The following TMCC1 variants were observed in gnomAD, a reference collection of about 807,000 sequenced individuals.
The protein encoded by TMCC1 is transmembrane and coiled-coil domain family 1.
TMCC1 carries 15 observed loss-of-function variants against 52.4 expected under a neutral mutation model. The ratio of observed to expected loss-of-function variants is 0.29; its 90% CI spans 0.19 to 0.44. The LOEUF (loss-of-function observed/expected upper bound fraction) is 0.44, where lower values mean the gene tolerates loss of function less well. TMCC1 is among the 20% of genes least tolerant of loss of function. TMCC1 has a pLI of 1.00. For synonymous variants in TMCC1, 279 were observed against 301.9 expected (o/e 0.92, Z 0.79); for missense variants, 503 against 806.0 (o/e 0.62, Z 4.55).
chr3:129,840,619 C>T (rs999915358), intron 2 of TMCC1, among the ~76,000 whole-genome samples: 3 of 152,142 alleles, frequency 2.0e-5, no homozygotes, highest in Admixed American at 2.0e-4. Context: ...TGGGAGGCGA[C>T]TGGATCACGG....
chr3:129,883,104 C>T (rs901844797), intron 1 of TMCC1, among the ~76,000 whole-genome samples: 7 of 150,468 alleles, frequency 4.7e-5, no homozygotes, highest in Admixed American at 4.0e-4. Flanking sequence ...GCCTGGCCAA[C>T]GTGGTGAAAC....
At chr3:129,868,095 G>A (rs369281516) in intron 2 of TMCC1, among the ~76,000 whole-genome samples, 1 of 151,902 alleles carries the variant, frequency 6.6e-6, no homozygotes, top group Non-Finnish European at 1.5e-5. Flanking sequence ...AGAAGACAAC[G>A]CCCACATCTC....
intron 4 of TMCC1, among the ~76,000 whole-genome samples, chr3:129,714,648 G>C (rs1296596235): frequency 6.6e-6 from 1 of 152,094 alleles, no homozygotes; most frequent in Non-Finnish European, 1.5e-5. Context: ...GTTGCAATCA[G>C]GGTATAATTA....
intron 4 of TMCC1, among the ~76,000 whole-genome samples, chr3:129,800,923 C>CTTT (rs1459817260): frequency 4.8e-5 from 5 of 103,324 alleles, no homozygotes; most frequent in Non-Finnish European, 7.4e-5. Flanking sequence ...ACATCTCACA[C>CTTT]TATTTTTTTT....
intron 4 of TMCC1, among the ~76,000 whole-genome samples, chr3:129,784,565 CA>C (rs1197513016): frequency 0.031 from 2,052 of 66,972 alleles, 35 homozygotes; most frequent in African/African-American, 0.099. Context: ...GACTCCGTCT[CA>C]AAAAAAAAAA....
At chr3:129,853,852 G>A (rs779938452) in intron 2 of TMCC1, among the ~76,000 whole-genome samples, 3 of 152,020 alleles carry the variant, frequency 2.0e-5, no homozygotes, top group Non-Finnish European at 4.4e-5. Flanking sequence ...TCAGTGAAGA[G>A]CACTAAGTTA....
At chr3:129,805,951 A>G (rs577034886) in intron 4 of TMCC1, among the ~76,000 whole-genome samples, 4 of 152,140 alleles carry the variant, frequency 2.6e-5, no homozygotes, top group Admixed American at 6.6e-5. Flanking sequence ...AAACAAAAAA[A>G]CAAAAAACAA....
In TMCC1 at chr3:129,777,048, G is replaced by A. The variant is rs2055098148; in HGVS notation, c.576+50755C>T. Among the ~76,000 whole-genome samples the A allele has an allele frequency of 2.0e-5, 3 of 152,104 alleles. No homozygotes were observed. The South Asian group carries it at 6.2e-4, about 32-fold the overall frequency. The stretch of plus-strand genomic sequence containing the variant: ...TGCCATGTACCAGGAACTATGCCAG[G>A]AGTTGGGCTATCAAATTAATCAATA... On this transcript the variant is annotated intron_variant, in intron 4 of 6. Coordinates refer to ENST00000393238, the MANE Select transcript of TMCC1 (RefSeq NM_001017395.5).
intron 4 of TMCC1, among the ~76,000 whole-genome samples, chr3:129,763,223 T>C (rs867793046): frequency 1.6e-5 from 2 of 124,198 alleles, no homozygotes; most frequent in Non-Finnish European, 3.4e-5. Flanking sequence ...AATAAATAAA[T>C]AAATAAATAA....
In TMCC1 at chr3:129,651,130, G is replaced by T; in HGVS notation, c.*351C>A. ...ACTGGTTTGCCCTCATCAGGTTTTC[G>T]CATCTTTTTAGTGGGTTTTAGTGCA... is the stretch of plus-strand genomic sequence containing the variant. On this transcript the variant is annotated 3_prime_UTR_variant, in exon 7 of 7. Coordinates refer to ENST00000393238, the MANE Select transcript of TMCC1 (RefSeq NM_001017395.5). The surrounding 1 kb of genome is among the most constrained non-coding windows in gnomAD (Gnocchi z 5.1). The T allele has an allele frequency of 4.8e-6, 1 of 209,740 alleles. No individual in the cohort carries two copies. The highest frequency in any genetic ancestry group is 9.8e-6 in the Non-Finnish European group (1 of 102,546). The allele number at this position is 209,740 out of a possible 1,614,324, so 13.0% of individuals were successfully genotyped here. A position where few individuals can be genotyped will look rare whatever the true frequency, so the allele number is the denominator to read the frequency against.
At chr3:129,792,625 T>C (rs181698261) in intron 4 of TMCC1, among the ~76,000 whole-genome samples, 58 of 152,350 alleles carry the variant, frequency 3.8e-4, no homozygotes, top group African/African-American at 1.3e-3. Flanking sequence ...TTCTCCTTCA[T>C]ATTTAAGTGC....
chr3:129,830,300 C>T (rs1325640058), intron 3 of TMCC1, among the ~76,000 whole-genome samples: 1 of 152,122 alleles, frequency 6.6e-6, no homozygotes, highest in Non-Finnish European at 1.5e-5. Context: ...TCCTTGTGGG[C>T]AAAAATTTTG....
At chr3:129,660,689 T>C (rs1185010380) in intron 5 of TMCC1, among the ~76,000 whole-genome samples, 1 of 152,226 alleles carries the variant, frequency 6.6e-6, no homozygotes, top group African/African-American at 2.4e-5. Flanking sequence ...TTCCATGCAC[T>C]GGCCATTTCC....
chr3:129,673,033 C>T (rs1213007495), intron 4 of TMCC1, among the ~76,000 whole-genome samples: 1 of 152,074 alleles, frequency 6.6e-6, no homozygotes, highest in Non-Finnish European at 1.5e-5. Flanking sequence ...ATGAGAAATA[C>T]TGTGCATTTA....
At chr3:129,694,538 G>C (rs989054306) in intron 4 of TMCC1, among the ~76,000 whole-genome samples, 1 of 152,202 alleles carries the variant, frequency 6.6e-6, no homozygotes, top group Non-Finnish European at 1.5e-5. Flanking sequence ...ATGAGATACA[G>C]GTCATAAAGA....
Position 129,785,610 on chromosome 3 carries a change from C to A in TMCC1, c.576+42193G>T, listed in dbSNP as rs908586137. Among the ~76,000 whole-genome samples, 10 of 146,096 alleles carry A rather than the reference C, an allele frequency of 6.8e-5. No homozygotes were observed. The East Asian group carries it at 1.9e-3, about 28-fold the overall frequency. ...AAACACACACACACACATACACACACACAGAAGGAGTAGTTACACTCAGGT... is the reference window on the plus strand; with the variant it reads ...AAACACACACACACACATACACACAAACAGAAGGAGTAGTTACACTCAGGT... On this transcript the variant is annotated intron_variant, in intron 4 of 6. Transcript: ENST00000393238.
intron 4 of TMCC1, among the ~76,000 whole-genome samples, chr3:129,726,144 T>C (rs916477200): frequency 6.6e-5 from 10 of 152,204 alleles, no homozygotes; most frequent in African/African-American, 2.4e-4. Context: ...ACCTTATCTG[T>C]AGAGGAGAAG....
At chr3:129,665,340 AG>A (rs2087364028) in intron 5 of TMCC1, among the ~76,000 whole-genome samples, 1 of 152,230 alleles carries the variant, frequency 6.6e-6, no homozygotes, top group South Asian at 2.1e-4. Context: ...AGAGTTAGGC[AG>A]ATGGTCTTGG....
intron 4 of TMCC1, among the ~76,000 whole-genome samples, chr3:129,805,861 G>C (rs1210255782): frequency 2.6e-5 from 4 of 151,944 alleles, no homozygotes; most frequent in African/African-American, 7.3e-5. Flanking sequence ...GAGCCCAGGA[G>C]TTTAAGACTG....
Sources: gnomAD v4.1 joint callset for allele counts (sites outside exome capture counted in the v4.1 genomes callset) on GRCh38, gnomAD v4.1.1 for gene constraint, Gnocchi (gnomAD v3.1) non-coding constraint, MANE v1.5 for transcripts, NCBI Gene and HGNC (gene_info 2026-07-23, HGNC 2026-07-21) for gene names.